Variants in DNAJC5B observed in about 807,000 individuals in gnomAD.
DNAJC5B encodes the protein dnaJ homolog subfamily C member 5B.
DNAJC5B carries 23 observed loss-of-function variants against 24.7 expected under a neutral mutation model. That is an observed-to-expected ratio of 0.93 (90% confidence interval 0.67 to 1.32). The LOEUF (loss-of-function observed/expected upper bound fraction) is 1.32. Ranked by LOEUF, DNAJC5B falls within the 40% of genes most tolerant of loss-of-function variation. The pLI, the probability that DNAJC5B is intolerant of heterozygous loss-of-function variation, is 0.00. For missense variants in DNAJC5B, 238 were observed against 240.8 expected, an observed-to-expected ratio of 0.99 and a Z score of 0.08; for synonymous variants, 101 against 90.1, an observed-to-expected ratio of 1.12 and a Z score of -0.68.
At chr8:66,092,954 A>G (rs973113898) in intron 5 of DNAJC5B, among the ~76,000 whole-genome samples, 1 of 151,746 alleles carries the variant, frequency 6.6e-6, no homozygotes, top group Non-Finnish European at 1.5e-5. Context: ...TACTTTTTCA[A>G]CCCATGTCTG....
At chr8:66,021,138 T>C (rs1035546049), upstream of DNAJC5B, among the ~76,000 whole-genome samples, 5 of 152,214 alleles carry the variant, frequency 3.3e-5, no homozygotes, top group African/African-American at 1.2e-4. Context: ...TGAGACTCTG[T>C]TCTCTTCCCA....
intron 5 of DNAJC5B, among the ~76,000 whole-genome samples, chr8:66,094,634 C>T (rs964125255): frequency 1.3e-5 from 2 of 151,622 alleles, no homozygotes; most frequent in Admixed American, 6.6e-5. Context: ...TTTTTTAAAC[C>T]GCACCAAGTA....
At chr8:66,054,674 A>C (rs915400176) in intron 3 of DNAJC5B, among the ~76,000 whole-genome samples, 2 of 152,216 alleles carry the variant, frequency 1.3e-5, no homozygotes, top group South Asian at 4.1e-4. Context: ...GTTACATGAA[A>C]ATGGTAGAGT....
intron 1 of DNAJC5B, among the ~76,000 whole-genome samples, chr8:66,038,488 T>C (rs770826020): frequency 3.3e-5 from 5 of 152,232 alleles, no homozygotes; most frequent in Non-Finnish European, 7.3e-5. Flanking sequence ...TATTTTGGGT[T>C]CTGGGTACTC....
intron 1 of DNAJC5B, among the ~76,000 whole-genome samples, chr8:66,031,294 A>G (rs1806356171): frequency 6.6e-6 from 1 of 152,230 alleles, no homozygotes. Context: ...AGAAGATGAA[A>G]TATACCATCT....
At chr8:66,047,517 TTTTA>T (rs1353268663) in intron 2 of DNAJC5B, among the ~76,000 whole-genome samples, 1 of 152,182 alleles carries the variant, frequency 6.6e-6, no homozygotes, top group Non-Finnish European at 1.5e-5. Flanking sequence ...CAGAAAACCG[TTTTA>T]TTTATCTTAC....
At chr8:66,076,976 C>T (rs1010647465) in intron 4 of DNAJC5B, 103 bp downstream of exon 4, 1 of 1,225,188 alleles carries the variant, frequency 8.2e-7, no homozygotes, top group African/African-American at 1.5e-5. Context: ...TGCTATTAAA[C>T]TCTGGTAAAT....
At chr8:66,066,449 A>T (rs756726491) in intron 3 of DNAJC5B, among the ~76,000 whole-genome samples, 2 of 152,238 alleles carry the variant, frequency 1.3e-5, no homozygotes, top group Non-Finnish European at 2.9e-5. Context: ...TTGCAGCACA[A>T]TTCATGATTG....
At chr8:66,073,603 A>G (rs1807397875) in intron 3 of DNAJC5B, among the ~76,000 whole-genome samples, 1 of 152,164 alleles carries the variant, frequency 6.6e-6, no homozygotes, top group South Asian at 2.1e-4. Context: ...GAACAGCAAT[A>G]TGGCAGAATT....
Position 66,060,582 on chromosome 8 carries a change from A to G in DNAJC5B, c.119+8916A>G, listed in dbSNP as rs188721033. ...GTGTTGAACTGGGTAAATAAAGTGT[A>G]TTATTTTACTGTTTGTTGCTCAGCA... On this transcript the variant is annotated intron_variant, in intron 3 of 5. Transcript: ENST00000276570. Among the ~76,000 whole-genome samples the G allele has an allele frequency of 2.2e-4, 33 of 152,322 alleles. 2 individuals are homozygous for G. Among genetic ancestry groups the G allele is most frequent in the Admixed American group, 2.0e-3 (31 of 15,308 alleles).
chr8:66,024,109 A>G lies in DNAJC5B; in HGVS notation c.-142+2404A>G, dbSNP rs60646949. Among the ~76,000 whole-genome samples the G allele has an allele frequency of 3.0e-3, 452 of 152,344 alleles. 2 individuals carry two copies. Among genetic ancestry groups the G allele is most frequent in the African/African-American group, 0.011 (437 of 41,578 alleles). Reference sequence around the variant, plus strand: ...TTTCTAGGCCATTAGATTGTTTTTTAGCCAACTAAAATGTGTACTTCCTGT... The same window carrying G: ...TTTCTAGGCCATTAGATTGTTTTTTGGCCAACTAAAATGTGTACTTCCTGT... On this transcript the variant is annotated intron_variant, in intron 1 of 5. Coordinates refer to ENST00000276570, the MANE Select transcript of DNAJC5B (RefSeq NM_033105.6).
At chr8:66,063,722 T>C (rs1303847415) in intron 3 of DNAJC5B, among the ~76,000 whole-genome samples, 1 of 152,244 alleles carries the variant, frequency 6.6e-6, no homozygotes, top group Non-Finnish European at 1.5e-5. Context: ...TCACTCAATA[T>C]CTATTTAGTA....
At chr8:66,053,969 G>C (rs922316897) in intron 3 of DNAJC5B, among the ~76,000 whole-genome samples, 8 of 146,696 alleles carry the variant, frequency 5.5e-5, no homozygotes, top group Non-Finnish European at 1.0e-4. Context: ...GTCTTATCAT[G>C]AAAATATCTT....
intron 5 of DNAJC5B, among the ~76,000 whole-genome samples, chr8:66,093,282 A>T (rs143241738): frequency 2.1e-3 from 319 of 152,264 alleles, no homozygotes; most frequent in African/African-American, 7.4e-3. Flanking sequence ...TAGTCAAAGG[A>T]TATGCACTTG....
At chr8:66,027,024 C>A (rs781606201) in intron 1 of DNAJC5B, among the ~76,000 whole-genome samples, 164 of 152,258 alleles carry the variant, frequency 1.1e-3, no homozygotes, top group Non-Finnish European at 1.8e-3. Context: ...TTTTAGGATA[C>A]CCATCACCTG....
At chr8:66,023,420 C>T (rs1207312932) in intron 1 of DNAJC5B, among the ~76,000 whole-genome samples, 2 of 152,100 alleles carry the variant, frequency 1.3e-5, no homozygotes, top group African/African-American at 4.8e-5. Flanking sequence ...GCACTGAAGA[C>T]CCCATTCAAA....
intron 1 of DNAJC5B, among the ~76,000 whole-genome samples, chr8:66,028,236 C>A: frequency 6.6e-6 from 1 of 152,140 alleles, no homozygotes; most frequent in East Asian, 1.9e-4. Flanking sequence ...ATTTTGGCCC[C>A]GGCACAACCG....
chr8:66,042,708 C>T (rs71515496), intron 1 of DNAJC5B, among the ~76,000 whole-genome samples: 1 of 119,826 alleles, frequency 8.3e-6, no homozygotes, highest in Non-Finnish European at 1.7e-5. Flanking sequence ...CCTCCCCCTC[C>T]CCCCTCCCCC....
At chr8:66,068,789 G>A (rs543302589) in intron 3 of DNAJC5B, among the ~76,000 whole-genome samples, 6 of 152,016 alleles carry the variant, frequency 3.9e-5, no homozygotes, top group Non-Finnish European at 7.4e-5. Context: ...GCACATCACA[G>A]GAAAACTTCC....
Sources: gnomAD v4.1 joint callset for allele counts (sites outside exome capture counted in the v4.1 genomes callset) on GRCh38, gnomAD v4.1.1 for gene constraint, MANE v1.5 for transcripts, NCBI Gene and HGNC (gene_info 2026-07-23, HGNC 2026-07-21) for gene names.